QRICH2: variants seen among roughly 807,000 people sequenced by gnomAD.
QRICH2 encodes glutamine rich 2.
QRICH2 carries 119 observed loss-of-function variants against 168.3 expected under a neutral mutation model. The ratio of observed to expected loss-of-function variants is 0.71; its 90% CI spans 0.61 to 0.82. The LOEUF is 0.82. Among genes scored for constraint, QRICH2 ranks in the 40% least tolerant of loss-of-function variants. QRICH2 has a pLI of 0.00. For missense variants in QRICH2, 2,241 were observed against 2,491.6 expected (o/e 0.90, Z 2.14); for synonymous variants, 894 against 951.2 (o/e 0.94, Z 1.11).
In QRICH2 at chr17:76,290,060, G is replaced by C; in HGVS notation, c.3730C>G (p.Pro1244Ala). 1 of 1,612,238 alleles carries C rather than the reference G, an allele frequency of 6.2e-7. No homozygotes were observed. Among genetic ancestry groups the C allele is most frequent in the Non-Finnish European group, 8.5e-7 (1 of 1,178,902 alleles). ...LAQMVKRTIP[P>A]ELQEQLKTVK... ...GTCTTCAGCTGCTCCTGCAGTTCAG[G>C]AGGTATGGTCCTTTTGACTATGGAA... The change falls in exon 5 of 19, where the codon CCT (proline) becomes GCT (alanine). Residue 1244 changes from proline to alanine, a missense_variant. Pro to Ala is a conservative substitution (Grantham distance 27). This residue lies in a region of QRICH2 where 2,047 missense variants were observed against 2,303.8 expected (regional missense o/e 0.89). Coordinates refer to ENST00000680821, the MANE Select transcript of QRICH2 (RefSeq NM_001388453.1).
intron 3 of QRICH2, among the ~76,000 whole-genome samples, chr17:76,297,996 A>G (rs755237784): frequency 4.1e-5 from 6 of 146,048 alleles, no homozygotes; most frequent in Non-Finnish European, 8.9e-5. Context: ...CAGCCTCCTG[A>G]GTAGATGGGA....
At chr17:76,298,964 A>T (rs926632501) in intron 3 of QRICH2, among the ~76,000 whole-genome samples, 17 of 152,002 alleles carry the variant, frequency 1.1e-4, no homozygotes, top group African/African-American at 4.1e-4. Context: ...CTTTCTTTAC[A>T]GTCTGTCCTG....
Position 76,293,828 on chromosome 17 carries a change from C to G in QRICH2, c.899G>C (p.Ser300Thr). The change falls in exon 4 of 19, where the codon AGT becomes ACT. Residue 300 changes from serine to threonine, a missense_variant. Transcript: ENST00000680821. ...GTAHPSDGVS[S>T]REQSKVPSGT... ...AGAGGGGACCTTGCTTTGTTCCCTACTGGAAACCCCATCAGAGGGGTGTGC... is the reference window on the plus strand; with the variant it reads ...AGAGGGGACCTTGCTTTGTTCCCTAGTGGAAACCCCATCAGAGGGGTGTGC... 2 of 1,614,042 alleles carry G rather than the reference C, an allele frequency of 1.2e-6. No homozygotes were observed. The highest frequency in any genetic ancestry group is 1.1e-5 in the South Asian group (1 of 91,064).
rs1333011540 is a variant in QRICH2 at position 76,304,909 on chromosome 17, C to T, written c.567G>A (p.Lys189=). Residue 189 remains lysine, a synonymous_variant, in exon 2 of 19, where the codon AAG becomes AAA. Transcript: ENST00000680821. ...VLLQRVDELE[K]LFKDREQFLE... ...GGAATTGCTCCCGATCTTTGAATAG[C>T]TTCTCTAGTTCATCAACCCGCTGTA... is the stretch of plus-strand genomic sequence containing the variant. 1.2e-6 allele frequency: 2 copies of T among 1,613,622 alleles called. No homozygotes were observed. The highest frequency in any genetic ancestry group is 2.7e-5 in the African/African-American group (2 of 74,872).
Position 76,284,153 on chromosome 17 carries a change from G to A in QRICH2, c.4012-2038C>T, listed in dbSNP as rs1269497204. Among the ~76,000 whole-genome samples, 8 of 94,794 alleles carry A rather than the reference G, an allele frequency of 8.4e-5. 1 individual carries two copies. Among genetic ancestry groups the A allele is most frequent in the African/African-American group, 4.7e-4 (7 of 15,028 alleles). The allele number at this position is 94,794 out of a possible 152,430, so 62.2% of individuals were successfully genotyped here. A position where few individuals can be genotyped will look rare whatever the true frequency, so the allele number is the denominator to read the frequency against. On this transcript the variant is annotated intron_variant, in intron 7 of 18. Coordinates refer to ENST00000680821, the MANE Select transcript of QRICH2 (RefSeq NM_001388453.1). ...ACTGCACTCCAGCCTGGGCAACAGA[G>A]CAAAACTCTGTCTCCAAAAAAAAAA...
At chr17:76,279,525 G>A (rs1167327563) in intron 12 of QRICH2, 97 bp from the exon 13 acceptor site, 1 of 913,318 alleles carries the variant, frequency 1.1e-6, no homozygotes, top group Non-Finnish European at 1.7e-6. Context: ...CAGCCCACCA[G>A]GGTGCAGATC....
At chr17:76,299,101 G>A (rs928887232) in intron 3 of QRICH2, among the ~76,000 whole-genome samples, 3 of 152,098 alleles carry the variant, frequency 2.0e-5, no homozygotes, top group South Asian at 2.1e-4. Flanking sequence ...TTGAGACAGT[G>A]TACAGATGAC....
rs567377214 is a variant in QRICH2 at position 76,307,709 on chromosome 17, G to A, written c.290C>T (p.Ser97Leu). Residue 97 changes from serine to leucine, a missense_variant, in exon 1 of 19, where the codon TCA (serine) becomes TTA (leucine). By Grantham distance (145) the Ser-to-Leu change is moderately radical (BLOSUM62 -2). Coordinates refer to ENST00000680821, the MANE Select transcript of QRICH2 (RefSeq NM_001388453.1). This position sits in a 1 kb window ranked among gnomAD's most constrained non-coding sequence, Gnocchi z 5.3. ...KRRGVGQAPSSALESQVKDLG... is the reference protein window; with the variant it reads ...KRRGVGQAPSLALESQVKDLG... The stretch of plus-strand genomic sequence containing the variant: ...GTCCTTCACTTGGCTCTCCAGCGCT[G>A]ACGAAGGCGCCTGGCCCACGCCCCT... 27 of 1,429,412 alleles carry A rather than the reference G, an allele frequency of 1.9e-5. No homozygotes were observed. The East Asian group carries it at 5.7e-4, about 30-fold the overall frequency. The allele number at this position is 1,429,412 out of a possible 1,614,324, so 88.5% of individuals were successfully genotyped here.
intron 14 of QRICH2, among the ~76,000 whole-genome samples, chr17:76,278,682 C>T (rs1307011248): frequency 6.6e-6 from 1 of 152,216 alleles, no homozygotes; most frequent in Non-Finnish European, 1.5e-5. Flanking sequence ...GGACCCTCCC[C>T]CCACCGCTCT....
intron 7 of QRICH2, among the ~76,000 whole-genome samples, chr17:76,282,487 C>A (rs2070808202): frequency 6.6e-6 from 1 of 152,212 alleles, no homozygotes; most frequent in Non-Finnish European, 1.5e-5. Context: ...ACAGGCCCCG[C>A]CCCAGGCTCT....
In QRICH2 at chr17:76,280,562, C is replaced by T. The variant is rs894069795; in HGVS notation, c.4461+92G>A. ...AGGCAGGTTTCTGAGAGCCCACACT[C>T]GTCTCGCCAGCTCCCCTCCACTCAG... On this transcript the variant is annotated intron_variant, in intron 10 of 18. Coordinates refer to ENST00000680821, the MANE Select transcript of QRICH2 (RefSeq NM_001388453.1). The surrounding 1 kb of genome is among the most constrained non-coding windows in gnomAD (Gnocchi z 7.4). 4.4e-6 allele frequency: 7 copies of T among 1,594,494 alleles called. No homozygotes were observed. The highest frequency in any genetic ancestry group is 2.2e-5 in the East Asian group (1 of 44,762).
intron 17 of QRICH2, among the ~76,000 whole-genome samples, 184 bp from the exon 18 acceptor site, chr17:76,276,131 C>CACCCACACA (rs1555671125): frequency 7.1e-6 from 1 of 140,304 alleles, no homozygotes; most frequent in African/African-American, 2.9e-5. Context: ...TTCTCGTGGC[C>CACCCACACA]ACCCACCCAC....
At chr17:76,287,380 C>G (rs1008269578) in intron 6 of QRICH2, 74 bp from the exon 7 acceptor site, 1 of 1,053,588 alleles carries the variant, frequency 9.5e-7, no homozygotes, top group African/African-American at 1.6e-5. Flanking sequence ...CCATCAGGGA[C>G]GCAGGGGGAT....
chr17:76,289,581 T>A (rs2070950772), intron 5 of QRICH2, among the ~76,000 whole-genome samples: 2 of 152,038 alleles, frequency 1.3e-5, no homozygotes, highest in South Asian at 4.1e-4. Context: ...TAGATAATAA[T>A]GTAAAAGAAA....
Position 76,281,030 on chromosome 17 carries a change from C to G in QRICH2, c.4264-77G>C. ...CCCCTGCTGCCATAATATTGCTGCC[C>G]CAGGTAAGTTGGCCCTTAAAACATC... On this transcript the variant is annotated intron_variant, in intron 8 of 18. Transcript: ENST00000680821. This position sits in a 1 kb window ranked among gnomAD's most constrained non-coding sequence, Gnocchi z 4.4. 1 of 1,546,572 alleles carries G rather than the reference C, an allele frequency of 6.5e-7. No individual in the cohort carries two copies. The highest frequency in any genetic ancestry group is 8.7e-7 in the Non-Finnish European group (1 of 1,150,796).
intron 7 of QRICH2, among the ~76,000 whole-genome samples, chr17:76,285,981 G>C (rs914062300): frequency 2.0e-5 from 3 of 151,978 alleles, no homozygotes; most frequent in Non-Finnish European, 4.4e-5. Context: ...GACCATCCTG[G>C]CTAACACAGT....
At position 76,307,568 on chromosome 17, in the gene QRICH2, G is replaced by A. The variant is rs541206212; in HGVS notation, c.431C>T (p.Ala144Val). Residue 144 changes from alanine to valine, a missense_variant, in exon 1 of 19, where the codon GCG becomes GTG. Transcript: ENST00000680821. The surrounding 1 kb of genome is among the most constrained non-coding windows in gnomAD (Gnocchi z 5.3). ...FSQASGLDLA[A>V]LEWPEEQEVG... ...CTCCTGCTCCTCCGGCCACTCTAGCGCGGCCAGGTCAAGCCCGCTGGCCTG... is the reference window on the plus strand; with the variant it reads ...CTCCTGCTCCTCCGGCCACTCTAGCACGGCCAGGTCAAGCCCGCTGGCCTG... The A allele has an allele frequency of 6.5e-5, 103 of 1,578,354 alleles. 1 individual carries two copies. In the African/African-American group the frequency reaches 9.6e-4, roughly 15 times the overall value.
In QRICH2 at chr17:76,274,218, C is replaced by T. The variant is rs760648375; in HGVS notation, c.5525G>A (p.Arg1842His). The change falls in exon 19 of 19, where the codon CGT becomes CAT. Residue 1842 changes from arginine (R) to histidine (H), a missense_variant. By Grantham distance (29) the Arg-to-His change is conservative. This residue lies in a region of QRICH2 where 189 missense variants were observed against 169.3 expected (regional missense o/e 1.12). Transcript: ENST00000680821. ...GTGGGCTGTGTTCGGCTGGGAGAGA[C>T]GGCCCTCGGAGGAAGGTCTATCTTT... is the stretch of plus-strand genomic sequence containing the variant. ...QQKDRPSSEG[R>H]LSQPNTAHPP... is the part of the protein sequence containing the mutation. 8.8e-6 allele frequency: 14 copies of T among 1,598,566 alleles called. No homozygotes were observed. Among genetic ancestry groups the T allele is most frequent in the Admixed American group, 3.6e-5 (2 of 56,062 alleles).
chr17:76,279,678 G>C (rs57617983), intron 12 of QRICH2, among the ~76,000 whole-genome samples: 2 of 151,966 alleles, frequency 1.3e-5, no homozygotes, highest in Non-Finnish European at 2.9e-5. Context: ...TGGCGGCCAC[G>C]AATGGGAATC....
Sources: allele counts gnomAD v4.1 joint callset (sites outside exome capture counted in the v4.1 genomes callset), GRCh38; gene constraint gnomAD v4.1.1; regional missense constraint gnomAD v4.1.1; non-coding constraint Gnocchi (gnomAD v3.1); transcripts MANE v1.5; gene names NCBI Gene and HGNC (gene_info 2026-07-23, HGNC 2026-07-21).